The following CRADD variants were observed in gnomAD, a reference collection of about 807,000 sequenced individuals.
CRADD encodes CARD and death domain containing adaptor protein.
A neutral mutation model predicts 15.5 loss-of-function variants in CRADD; 9 were observed. The ratio of observed to expected loss-of-function variants is 0.58; its 90% CI spans 0.35 to 1.01. CRADD has a LOEUF of 1.01. Ranked by LOEUF, CRADD falls within the 50% of genes least tolerant of loss-of-function variation. The pLI is 0.02. For synonymous variants in CRADD, 118 were observed against 107.6 expected, an observed-to-expected ratio of 1.10 and a Z score of -0.60; for missense variants, 227 against 250.3, an observed-to-expected ratio of 0.91 and a Z score of 0.63.
At chr12:93,688,190 G>A (rs1391162600) in intron 2 of CRADD, among the ~76,000 whole-genome samples, 2 of 152,154 alleles carry the variant, frequency 1.3e-5, no homozygotes, top group Non-Finnish European at 2.9e-5. Context: ...TCTGCTCATG[G>A]TCTTTATTCA....
intron 2 of CRADD, among the ~76,000 whole-genome samples, chr12:93,780,673 A>G (rs1957197782): frequency 6.6e-6 from 1 of 152,178 alleles, no homozygotes; most frequent in Admixed American, 6.5e-5. Context: ...CACAGTGTGT[A>G]ATTGCTGTGA....
At chr12:93,817,466 G>A (rs1002462283) in intron 2 of CRADD, among the ~76,000 whole-genome samples, 3 of 152,140 alleles carry the variant, frequency 2.0e-5, no homozygotes, top group African/African-American at 7.2e-5. Flanking sequence ...GGAAACAGAG[G>A]CAACAGAGGT....
At chr12:93,819,363 GTAT>G (rs144587930) in intron 2 of CRADD, among the ~76,000 whole-genome samples, 4,078 of 152,316 alleles carry the variant, frequency 0.027, 56 homozygotes, top group Non-Finnish European at 0.039. Flanking sequence ...AGGAGCAGGG[GTAT>G]TTAATGTGGA....
downstream of CRADD, among the ~76,000 whole-genome samples, chr12:93,852,412 G>A (rs1447573437): frequency 6.6e-6 from 1 of 152,242 alleles, no homozygotes; most frequent in Non-Finnish European, 1.5e-5. Context: ...GAGACAATTA[G>A]TGAAGAACAA....
intron 2 of CRADD, among the ~76,000 whole-genome samples, chr12:93,770,906 A>G (rs1218411385): frequency 1.3e-5 from 2 of 152,240 alleles, no homozygotes; most frequent in African/African-American, 2.4e-5. Context: ...AATTGCTTTT[A>G]CAATCAAATC....
chr12:93,715,223 AGT>A (rs941104173), intron 2 of CRADD, among the ~76,000 whole-genome samples: 1 of 152,170 alleles, frequency 6.6e-6, no homozygotes, highest in African/African-American at 2.4e-5. Flanking sequence ...ATAGGGTAAG[AGT>A]GAGAGTTCTT....
At chr12:93,695,101 G>A (rs1268003901) in intron 2 of CRADD, among the ~76,000 whole-genome samples, 1 of 152,190 alleles carries the variant, frequency 6.6e-6, no homozygotes, top group Admixed American at 6.5e-5. Context: ...GAACAGCATG[G>A]TGTTGGCATA....
intron 2 of CRADD, among the ~76,000 whole-genome samples, chr12:93,825,998 A>G (rs1957819329): frequency 6.6e-6 from 1 of 152,206 alleles, no homozygotes; most frequent in Non-Finnish European, 1.5e-5. Context: ...TTTCTCTTCT[A>G]CCTATAAAGT....
chr12:93,728,731 T>TA (rs1956412245), intron 2 of CRADD, among the ~76,000 whole-genome samples: 1 of 152,156 alleles, frequency 6.6e-6, no homozygotes, highest in Admixed American at 6.5e-5. Flanking sequence ...GTTATAGCCT[T>TA]AAGCATAGAT....
chr12:93,834,086 C>T (rs1957946520), intron 2 of CRADD, among the ~76,000 whole-genome samples: 1 of 152,220 alleles, frequency 6.6e-6, no homozygotes, highest in Non-Finnish European at 1.5e-5. Flanking sequence ...ATAAGATCAA[C>T]ACAGCACAGA....
intron 2 of CRADD, among the ~76,000 whole-genome samples, chr12:93,759,794 TAATA>T (rs1956929387): frequency 6.6e-6 from 1 of 152,188 alleles, no homozygotes; most frequent in Admixed American, 6.5e-5. Context: ...ATGTAGCTAT[TAATA>T]AATTCCACAG....
intron 2 of CRADD, among the ~76,000 whole-genome samples, chr12:93,784,154 A>T (rs2136975988): frequency 6.6e-6 from 1 of 152,254 alleles, no homozygotes; most frequent in East Asian, 1.9e-4. Context: ...AGGAAATTAT[A>T]CTAATGGTTC....
At chr12:93,724,555 C>T (rs117604643) in intron 2 of CRADD, among the ~76,000 whole-genome samples, 1,750 of 152,128 alleles carry the variant, frequency 0.012, 18 homozygotes, top group Non-Finnish European at 0.016. Context: ...GATGGAGTGG[C>T]GACTTTTCAG....
chr12:93,821,497 A>G (rs1456011604), intron 2 of CRADD, among the ~76,000 whole-genome samples: 1 of 152,204 alleles, frequency 6.6e-6, no homozygotes, highest in Non-Finnish European at 1.5e-5. Flanking sequence ...GTGGAAAACT[A>G]AAAAGAAACA....
At chr12:93,730,311 A>G (rs1159044164) in intron 2 of CRADD, among the ~76,000 whole-genome samples, 5 of 152,262 alleles carry the variant, frequency 3.3e-5, no homozygotes, top group Non-Finnish European at 7.3e-5. Flanking sequence ...CAGTATTTGT[A>G]TAAAAAGAAA....
At chr12:93,892,420 G>A (rs775363259) in intron 2 of CRADD, among the ~76,000 whole-genome samples, 10 of 152,200 alleles carry the variant, frequency 6.6e-5, no homozygotes, top group East Asian at 5.8e-4. Flanking sequence ...CCAGCCCTGC[G>A]CCTGTCTGTA....
At chr12:93,847,092 G>A (rs565388044) in intron 2 of CRADD, among the ~76,000 whole-genome samples, 3 of 152,260 alleles carry the variant, frequency 2.0e-5, no homozygotes, top group Non-Finnish European at 4.4e-5. Context: ...GACAGAGCGA[G>A]ACTCCGTCTC....
chr12:93,770,450 C>T (rs969683616), intron 2 of CRADD, among the ~76,000 whole-genome samples: 1 of 152,130 alleles, frequency 6.6e-6, no homozygotes, highest in Non-Finnish European at 1.5e-5. Context: ...ACATTTAGAT[C>T]TACAATCCAC....
intron 2 of CRADD, among the ~76,000 whole-genome samples, chr12:93,892,724 T>C (rs75783363): frequency 0.031 from 4,691 of 152,164 alleles, 249 homozygotes; most frequent in African/African-American, 0.11. Context: ...GAAGCCTTGT[T>C]TCTGGAAGGG....
Sources: gnomAD v4.1 joint callset for allele counts (sites outside exome capture counted in the v4.1 genomes callset) on GRCh38, gnomAD v4.1.1 for gene constraint, MANE v1.5 for transcripts, NCBI Gene and HGNC (gene_info 2026-07-23, HGNC 2026-07-21) for gene names.